STRN3: variants seen among roughly 807,000 people sequenced by gnomAD.
STRN3 encodes striatin-3.
A neutral mutation model predicts 95.6 loss-of-function variants in STRN3; 29 were observed. That is an observed-to-expected ratio of 0.30 (90% CI 0.23 to 0.41). The LOEUF is 0.41. Ranked by LOEUF, STRN3 falls within the 10% of genes least tolerant of loss-of-function variation. STRN3 has a pLI of 1.00. For missense variants in STRN3, 890 were observed against 972.1 expected (o/e 0.92, Z 1.12); for synonymous variants, 331 against 357.6 (o/e 0.93, Z 0.84).
At chr14:30,929,960 A>ACAAAACAAAAAC (rs1566441354) in intron 7 of STRN3, among the ~76,000 whole-genome samples, 3 of 142,864 alleles carry the variant, frequency 2.1e-5, no homozygotes, top group African/African-American at 7.7e-5. Flanking sequence ...TTAGCAAAAA[A>ACAAAACAAAAAC]AAAAAAAAAA....
chr14:30,935,735 C>G (rs1351072953), intron 6 of STRN3, among the ~76,000 whole-genome samples: 1 of 152,112 alleles, frequency 6.6e-6, no homozygotes, highest in African/African-American at 2.4e-5. Flanking sequence ...TAGTGCTTTA[C>G]CTTCCAGAAC....
At chr14:30,993,741 G>GGCACA (rs569988949) in intron 1 of STRN3, among the ~76,000 whole-genome samples, 236 of 151,642 alleles carry the variant, frequency 1.6e-3, no homozygotes, top group African/African-American at 5.5e-3. Context: ...GTGCAATAGT[G>GGCACA]CGATCTCGGC....
intron 3 of STRN3, among the ~76,000 whole-genome samples, chr14:30,951,275 A>T (rs1351474815): frequency 1.3e-5 from 2 of 152,022 alleles, no homozygotes; most frequent in Non-Finnish European, 2.9e-5. Context: ...TCATTCTGTC[A>T]CCCAGCCTGG....
intron 13 of STRN3, among the ~76,000 whole-genome samples, chr14:30,910,449 T>G (rs143041674): frequency 6.6e-6 from 1 of 152,342 alleles, no homozygotes; most frequent in East Asian, 1.9e-4. Context: ...CATAAACATT[T>G]TGTTTTAACG....
chr14:30,970,935 T>G (rs1168023067), intron 1 of STRN3, among the ~76,000 whole-genome samples: 1 of 152,218 alleles, frequency 6.6e-6, no homozygotes, highest in Non-Finnish European at 1.5e-5. Flanking sequence ...GGTAGCTCTT[T>G]GCCAGGATTC....
At chr14:30,902,472 A>G in intron 16 of STRN3, 64 bp downstream of exon 16, 2 of 1,131,714 alleles carry the variant, frequency 1.8e-6, no homozygotes, top group East Asian at 5.0e-5. Context: ...CTTACATAAA[A>G]CAGCATTTTT....
intron 16 of STRN3, among the ~76,000 whole-genome samples, chr14:30,898,192 G>A (rs1178547645): frequency 1.3e-5 from 2 of 151,824 alleles, no homozygotes; most frequent in African/African-American, 4.8e-5. Context: ...GCCTAGGCTG[G>A]TCTCAAACTC....
intron 5 of STRN3, among the ~76,000 whole-genome samples, chr14:30,939,885 A>C (rs1239156949): frequency 6.6e-6 from 1 of 152,166 alleles, no homozygotes; most frequent in Non-Finnish European, 1.5e-5. Flanking sequence ...TAACAGTAAT[A>C]TAGTTACATC....
chr14:31,018,448 G>T, intron 1 of STRN3: 3 of 412,344 alleles, frequency 7.3e-6, no homozygotes, highest in South Asian at 5.3e-5. Context: ...TTGTTCCTAT[G>T]ACACACCTCC....
At chr14:31,007,918 C>A (rs769628192) in intron 1 of STRN3, among the ~76,000 whole-genome samples, 4 of 152,028 alleles carry the variant, frequency 2.6e-5, no homozygotes, top group Non-Finnish European at 4.4e-5. Flanking sequence ...TTGGGCCTGG[C>A]GTGGTGGCTC....
chr14:30,965,055 G>A (rs775031953), intron 1 of STRN3, among the ~76,000 whole-genome samples: 4 of 152,118 alleles, frequency 2.6e-5, no homozygotes, highest in Non-Finnish European at 4.4e-5. Context: ...TTATTTGATG[G>A]AATTCAGACG....
intron 6 of STRN3, 55 bp from the exon 7 acceptor site, chr14:30,935,359 C>T (rs756362392): frequency 3.3e-5 from 52 of 1,561,818 alleles, no homozygotes; most frequent in Non-Finnish European, 4.3e-5. Flanking sequence ...AAAAGGGATG[C>T]TTTAATATTG....
chr14:31,018,237 T>C (rs538915908), intron 1 of STRN3, among the ~76,000 whole-genome samples: 141 of 151,776 alleles, frequency 9.3e-4, no homozygotes, highest in Middle Eastern at 3.4e-3. Flanking sequence ...CAGCTACCAG[T>C]GATGGGGAGA....
At position 30,895,074 on chromosome 14, in the gene STRN3, AAAAAAGAAG is replaced by A. The variant is rs1566420866; in HGVS notation, c.*328_*336del. 2 of 218,450 alleles carry A rather than the reference AAAAAAGAAG, an allele frequency of 9.2e-6. No homozygotes were observed. Among genetic ancestry groups the A allele is most frequent in the African/African-American group, 4.8e-5 (2 of 41,406 alleles). The allele number at this position is 218,450 out of a possible 1,614,324, so 13.5% of individuals were successfully genotyped here. A position where few individuals can be genotyped will look rare whatever the true frequency, so the allele number is the denominator to read the frequency against. On this transcript the variant is annotated 3_prime_UTR_variant, in exon 18 of 18. Coordinates refer to ENST00000357479, the MANE Select transcript of STRN3 (RefSeq NM_001083893.2). Reference sequence around the variant, plus strand: ...AGTCCAAAAAAAAAAAAAAAAAAAAAAAAAAGAAGAAGAAGAAGAGAAAAAAAAAAACTT... The same window carrying A: ...AGTCCAAAAAAAAAAAAAAAAAAAAAAAGAAGAAGAGAAAAAAAAAAACTT...
chr14:30,968,755 G>A (rs530847727), intron 1 of STRN3, among the ~76,000 whole-genome samples: 1,580 of 150,454 alleles, frequency 0.011, 34 homozygotes, highest in African/African-American at 0.036. Context: ...AAGTTGTGGA[G>A]AAAAAAAAGG....
intron 15 of STRN3, among the ~76,000 whole-genome samples, chr14:30,904,796 G>GA (rs1275252030): frequency 2.6e-5 from 4 of 151,476 alleles, no homozygotes; most frequent in African/African-American, 9.7e-5. Flanking sequence ...ATTTTTAAAA[G>GA]AAAAAAACAG....
intron 16 of STRN3, 78 bp downstream of exon 16, chr14:30,902,458 A>G (rs996748974): frequency 8.3e-6 from 8 of 966,964 alleles, no homozygotes; most frequent in Admixed American, 2.9e-5. Context: ...AAAAGTCAAT[A>G]TATCTTACAT....
rs17097614 is a variant in STRN3 at position 30,956,251 on chromosome 14, A to T, written c.283-9T>A. ...AGAAATGCAATCCGGGCCTAAAAATATAAAAGATGCATTTATTTACATTTT... is the reference window on the plus strand; with the variant it reads ...AGAAATGCAATCCGGGCCTAAAAATTTAAAAGATGCATTTATTTACATTTT... On this transcript the variant is annotated splice_polypyrimidine_tract_variant and intron_variant, in intron 1 of 17. Coordinates refer to ENST00000357479, the MANE Select transcript of STRN3 (RefSeq NM_001083893.2). The T allele has an allele frequency of 0.12, 186,263 of 1,610,210 alleles. 12,843 individuals carry two copies. The highest frequency in any genetic ancestry group is 0.27 in the South Asian group (24,368 of 90,984).
chr14:31,004,681 G>A (rs1361809008), intron 1 of STRN3, among the ~76,000 whole-genome samples: 1 of 152,234 alleles, frequency 6.6e-6, no homozygotes, highest in East Asian at 1.9e-4. Context: ...GCTGAGGCAG[G>A]AGAATTGTTT....
Sources: allele counts gnomAD v4.1 joint callset (sites outside exome capture counted in the v4.1 genomes callset), GRCh38; gene constraint gnomAD v4.1.1; transcripts MANE v1.5; gene names NCBI Gene and HGNC (gene_info 2026-07-23, HGNC 2026-07-21).